Variants in MIR2052HG observed in about 807,000 individuals in gnomAD.
MIR2052HG encodes the protein MIR2052 host gene.
intron 4 of MIR2052HG, among the ~76,000 whole-genome samples, chr8:74,713,434 C>T (rs557318520): frequency 2.6e-5 from 4 of 152,150 alleles, no homozygotes; most frequent in African/African-American, 7.2e-5. Flanking sequence ...ATTCAAAATC[C>T]GCACCTTTTT....
At chr8:74,669,112 G>T (rs759984002) in intron 2 of MIR2052HG, among the ~76,000 whole-genome samples, 1 of 152,084 alleles carries the variant, frequency 6.6e-6, no homozygotes, top group African/African-American at 2.4e-5. Context: ...ATTTCTGCTT[G>T]CATTTCTAAG....
At chr8:74,729,886 T>C (rs1366651820) in intron 4 of MIR2052HG, among the ~76,000 whole-genome samples, 1 of 152,206 alleles carries the variant, frequency 6.6e-6, no homozygotes, top group African/African-American at 2.4e-5. Flanking sequence ...TTGTGCTCTA[T>C]GGTTGTAAAT....
At chr8:74,643,305 T>C (rs185687621) in intron 2 of MIR2052HG, among the ~76,000 whole-genome samples, 152 of 152,342 alleles carry the variant, frequency 1.0e-3, no homozygotes, top group African/African-American at 3.5e-3. Context: ...AAATGTGGTT[T>C]CTTGGACTTC....
At chr8:74,686,737 C>T (rs141069343) in intron 2 of MIR2052HG, among the ~76,000 whole-genome samples, 1 of 152,076 alleles carries the variant, frequency 6.6e-6, no homozygotes, top group Non-Finnish European at 1.5e-5. Context: ...GTAAACAAGG[C>T]AAGTCCTGTG....
rs190813968 is a variant in MIR2052HG at position 74,641,081 on chromosome 8, G to A, written n.216+28141G>A. On this transcript the variant is annotated intron_variant and non_coding_transcript_variant, in intron 2 of 6. Transcript: ENST00000523442. ...TAAATGAAATGCAAAGGGTGAGTAC[G>A]ATAATTACAAAATTGTGTTTATCGT... Among the ~76,000 whole-genome samples the A allele has an allele frequency of 4.4e-4, 67 of 152,260 alleles. 1 individual carries two copies. Among genetic ancestry groups the A allele is most frequent in the African/African-American group, 1.5e-3 (61 of 41,564 alleles).
chr8:74,640,447 G>A (rs1320337188), intron 2 of MIR2052HG, among the ~76,000 whole-genome samples: 1 of 138,518 alleles, frequency 7.2e-6, no homozygotes, highest in Non-Finnish European at 1.5e-5. Flanking sequence ...CTCCAGCCTG[G>A]ACAGGGCAAG....
intron 2 of MIR2052HG, among the ~76,000 whole-genome samples, chr8:74,676,990 A>G (rs1445948124): frequency 6.6e-6 from 1 of 152,088 alleles, no homozygotes; most frequent in Non-Finnish European, 1.5e-5. Context: ...TAAGAGAAAC[A>G]CTTAAAAGAT....
At chr8:74,656,949 A>G (rs1266934670) in intron 2 of MIR2052HG, among the ~76,000 whole-genome samples, 1 of 152,218 alleles carries the variant, frequency 6.6e-6, no homozygotes, top group East Asian at 1.9e-4. Context: ...GATAGAAACA[A>G]TAAAGTAACA....
chr8:74,604,310 A>G, intron 1 of MIR2052HG: 1 of 677,284 alleles, frequency 1.5e-6, no homozygotes, highest in Non-Finnish European at 2.8e-6. Context: ...TGGGGGGTGA[A>G]AGCCAAAAAC....
At chr8:74,665,588 CTCA>C (rs1808914013) in intron 2 of MIR2052HG, among the ~76,000 whole-genome samples, 2 of 152,318 alleles carry the variant, frequency 1.3e-5, no homozygotes, top group South Asian at 2.1e-4. Flanking sequence ...TAATCACTCT[CTCA>C]TCATCATTTC....
At chr8:74,740,241 A>G (rs1809812124) in intron 4 of MIR2052HG, among the ~76,000 whole-genome samples, 1 of 152,166 alleles carries the variant, frequency 6.6e-6, no homozygotes, top group South Asian at 2.1e-4. Context: ...AGGCAGGTGG[A>G]TCATCTGAGG....
At chr8:74,604,608 T>C (rs1293004742) in intron 1 of MIR2052HG, among the ~76,000 whole-genome samples, 1 of 140,194 alleles carries the variant, frequency 7.1e-6, no homozygotes, top group South Asian at 2.3e-4. Flanking sequence ...TTTTTTTTTT[T>C]CTGAGACGGA....
At chr8:74,672,445 G>A (rs1056812222) in intron 2 of MIR2052HG, among the ~76,000 whole-genome samples, 1 of 152,028 alleles carries the variant, frequency 6.6e-6, no homozygotes, top group Non-Finnish European at 1.5e-5. Flanking sequence ...GGGCTGTTCT[G>A]GAGATGAAGG....
intron 2 of MIR2052HG, among the ~76,000 whole-genome samples, chr8:74,638,072 T>A (rs1027269878): frequency 2.0e-5 from 3 of 152,118 alleles, no homozygotes; most frequent in African/African-American, 7.2e-5. Flanking sequence ...GGATATTACT[T>A]ACAATGGGAA....
chr8:74,730,737 A>C (rs541752796), intron 4 of MIR2052HG, among the ~76,000 whole-genome samples: 2 of 152,334 alleles, frequency 1.3e-5, no homozygotes, highest in African/African-American at 4.8e-5. Flanking sequence ...GCCTGTAGAT[A>C]AACTCACATG....
intron 5 of MIR2052HG, chr8:74,758,075 A>G (rs932885889): frequency 6.6e-6 from 1 of 152,118 alleles, no homozygotes; most frequent in South Asian, 2.1e-4. Flanking sequence ...TATTGCAAAC[A>G]ATGCAGCAAA....
intron 2 of MIR2052HG, among the ~76,000 whole-genome samples, chr8:74,639,881 C>T (rs1563520408): frequency 6.6e-6 from 1 of 152,100 alleles, no homozygotes; most frequent in Admixed American, 6.5e-5. Flanking sequence ...ATCCATTGAA[C>T]TAGTCTGCAA....
chr8:74,600,936 AG>A (rs1807991774), intron 1 of MIR2052HG, among the ~76,000 whole-genome samples: 1 of 152,192 alleles, frequency 6.6e-6, no homozygotes, highest in Non-Finnish European at 1.5e-5. Context: ...CCTGGGACAT[AG>A]GTCTTACTGG....
chr8:74,637,400 AAAAC>A (rs1475064945), intron 2 of MIR2052HG, among the ~76,000 whole-genome samples: 9 of 151,444 alleles, frequency 5.9e-5, no homozygotes, highest in Admixed American at 5.9e-4. Flanking sequence ...AAAATTAAAT[AAAAC>A]AAACACTCAA....
Sources: allele counts gnomAD v4.1 joint callset (sites outside exome capture counted in the v4.1 genomes callset), GRCh38; gene constraint gnomAD v4.1.1; transcripts MANE v1.5; gene names NCBI Gene and HGNC (gene_info 2026-07-23, HGNC 2026-07-21).